LRFN5: variants seen among roughly 807,000 people sequenced by gnomAD.
The protein encoded by LRFN5 is leucine rich repeat and fibronectin type III domain containing 5.
In LRFN5, 24 loss-of-function variants were observed where a neutral mutation model predicts 45.6. The observed-to-expected ratio is 0.53, with a 90% CI of 0.38 to 0.74. The LOEUF (loss-of-function observed/expected upper bound fraction) is 0.74. Among genes scored for constraint, LRFN5 ranks in the 30% least tolerant of loss-of-function variants. The pLI, the probability that LRFN5 is intolerant of heterozygous loss-of-function variation, is 0.00. For missense variants in LRFN5, 776 were observed against 861.5 expected (o/e 0.90, Z 1.24); for synonymous variants, 340 against 313.8 (o/e 1.08, Z -0.88).
At chr14:41,649,292 T>C (rs948634400) in intron 1 of LRFN5, among the ~76,000 whole-genome samples, 1 of 151,830 alleles carries the variant, frequency 6.6e-6, no homozygotes, top group Non-Finnish European at 1.5e-5. Context: ...AATTTAGTTT[T>C]TAGGCTAGAA....
chr14:41,766,142 C>T (rs1035480405), intron 1 of LRFN5, among the ~76,000 whole-genome samples: 1 of 152,070 alleles, frequency 6.6e-6, no homozygotes, highest in Non-Finnish European at 1.5e-5. Context: ...TTTAAAAATT[C>T]AGCCTATTTC....
At chr14:41,764,291 C>T (rs1482707436) in intron 1 of LRFN5, among the ~76,000 whole-genome samples, 1 of 152,132 alleles carries the variant, frequency 6.6e-6, no homozygotes, top group African/African-American at 2.4e-5. Context: ...GTTGACCTTT[C>T]TCTGTCCTTG....
At chr14:41,662,583 C>T (rs1880705745) in intron 1 of LRFN5, among the ~76,000 whole-genome samples, 1 of 151,938 alleles carries the variant, frequency 6.6e-6, no homozygotes, top group African/African-American at 2.4e-5. Flanking sequence ...AAAAATATGG[C>T]TGGGTCCACA....
At chr14:41,770,245 T>G (rs1886033301) in intron 2 of LRFN5, among the ~76,000 whole-genome samples, 1 of 152,188 alleles carries the variant, frequency 6.6e-6, no homozygotes. Flanking sequence ...TACATTGTAA[T>G]AAGAGATTTG....
chr14:41,837,084 G>A (rs577438231), intron 2 of LRFN5, among the ~76,000 whole-genome samples: 1 of 148,996 alleles, frequency 6.7e-6, no homozygotes, highest in East Asian at 2.0e-4. Context: ...AGAACCTCTA[G>A]AGAATTGGAA....
At position 41,891,339 on chromosome 14, in the gene LRFN5, A is replaced by G. The variant is rs574712614; in HGVS notation, c.1475A>G (p.Asp492Gly). Residue 492 changes from aspartate to glycine, a missense_variant, in exon 4 of 6, where the codon GAT (aspartate) becomes GGT (glycine). Asp to Gly is a moderately conservative substitution (Grantham distance 94, BLOSUM62 -1). This residue lies in a region of LRFN5 where 465 missense variants were observed against 456.4 expected (regional missense o/e 1.02). Coordinates refer to ENST00000298119, the MANE Select transcript of LRFN5 (RefSeq NM_152447.5). Reference sequence around the variant, plus strand: ...TTGTGTGTCTTGGCCATATATGATGATGGCATCACTTCCCTCACTGCCACA... The same window carrying G: ...TTGTGTGTCTTGGCCATATATGATGGTGGCATCACTTCCCTCACTGCCACA... ...YDLCVLAIYD[D>G]GITSLTATRV... is the part of the protein sequence containing the mutation. 51 of 1,613,956 alleles carry G rather than the reference A, an allele frequency of 3.2e-5. No homozygotes were observed. Among genetic ancestry groups the G allele is most frequent in the Non-Finnish European group, 4.2e-5 (50 of 1,180,026 alleles).
intron 1 of LRFN5, among the ~76,000 whole-genome samples, chr14:41,757,633 C>T (rs1885465221): frequency 6.6e-6 from 1 of 152,178 alleles, no homozygotes. Context: ...GGGAGTGACC[C>T]AATTTTCCAG....
intron 1 of LRFN5, among the ~76,000 whole-genome samples, chr14:41,701,924 CT>C (rs899398854): frequency 6.6e-6 from 1 of 152,108 alleles, no homozygotes; most frequent in Non-Finnish European, 1.5e-5. Flanking sequence ...TATTAGGAAT[CT>C]GCATTTTAAC....
chr14:41,763,452 C>A (rs112734773), intron 1 of LRFN5, among the ~76,000 whole-genome samples: 1,581 of 152,234 alleles, frequency 0.01, 26 homozygotes, highest in African/African-American at 0.036. Flanking sequence ...GAGCTTTGCC[C>A]ATTTTTTCTA....
At chr14:41,762,639 C>A (rs1001045142) in intron 1 of LRFN5, among the ~76,000 whole-genome samples, 1 of 151,914 alleles carries the variant, frequency 6.6e-6, no homozygotes, top group African/African-American at 2.4e-5. Flanking sequence ...GCTTGTGTCC[C>A]AAATTATTTT....
At chr14:41,839,571 G>A (rs1888788329) in intron 2 of LRFN5, among the ~76,000 whole-genome samples, 3 of 152,020 alleles carry the variant, frequency 2.0e-5, no homozygotes, top group South Asian at 4.1e-4. Context: ...AGCAAGCCTA[G>A]GTATTTTATC....
At chr14:41,618,227 G>A (rs1887989156) in intron 1 of LRFN5, among the ~76,000 whole-genome samples, 1 of 152,128 alleles carries the variant, frequency 6.6e-6, no homozygotes, top group Non-Finnish European at 1.5e-5. Context: ...TGTAAGCTAC[G>A]TTGTTACCTC....
chr14:41,649,342 T>C (rs1407970182), intron 1 of LRFN5, among the ~76,000 whole-genome samples: 1 of 152,070 alleles, frequency 6.6e-6, no homozygotes, highest in African/African-American at 2.4e-5. Flanking sequence ...GTTTAATAAT[T>C]AATATTGTCA....
At chr14:41,835,248 A>G (rs561521910) in intron 2 of LRFN5, among the ~76,000 whole-genome samples, 2 of 152,308 alleles carry the variant, frequency 1.3e-5, no homozygotes, top group East Asian at 3.9e-4. Flanking sequence ...CATTTTTGCA[A>G]ACCAGATGGG....
chr14:41,725,444 ATCT>A (rs371455081), intron 1 of LRFN5, among the ~76,000 whole-genome samples: 7 of 152,272 alleles, frequency 4.6e-5, no homozygotes, highest in African/African-American at 1.7e-4. Context: ...CTAGAGAGAT[ATCT>A]TCTTGTCTCT....
At chr14:41,714,159 T>A (rs1883394009) in intron 1 of LRFN5, among the ~76,000 whole-genome samples, 1 of 152,138 alleles carries the variant, frequency 6.6e-6, no homozygotes, top group South Asian at 2.1e-4. Context: ...AACATAAGAT[T>A]TTTAAAAGTG....
At chr14:41,771,357 G>T (rs1335805978) in intron 2 of LRFN5, among the ~76,000 whole-genome samples, 1 of 151,868 alleles carries the variant, frequency 6.6e-6, no homozygotes, top group Non-Finnish European at 1.5e-5. Context: ...CTAGCACATG[G>T]TTGCTCCATC....
intron 4 of LRFN5, among the ~76,000 whole-genome samples, chr14:41,897,475 C>A (rs990010184): frequency 6.6e-6 from 1 of 151,800 alleles, no homozygotes; most frequent in Admixed American, 6.6e-5. Flanking sequence ...TATATGTGCT[C>A]AACAAATATC....
intron 2 of LRFN5, among the ~76,000 whole-genome samples, chr14:41,881,875 C>T (rs138504557): frequency 6.6e-6 from 1 of 152,128 alleles, no homozygotes; most frequent in Non-Finnish European, 1.5e-5. Context: ...TGCATGATGT[C>T]CATCTTTTCC....
Sources: gnomAD v4.1 joint callset for allele counts (sites outside exome capture counted in the v4.1 genomes callset) on GRCh38, gnomAD v4.1.1 for gene constraint, gnomAD v4.1.1 regional missense constraint, MANE v1.5 for transcripts, NCBI Gene and HGNC (gene_info 2026-07-23, HGNC 2026-07-21) for gene names.